Variants in CDH4 observed in about 807,000 individuals in gnomAD.
The protein encoded by CDH4 is cadherin 4.
A neutral mutation model predicts 86.0 loss-of-function variants in CDH4; 33 were observed. The observed-to-expected ratio is 0.38, with a 90% CI of 0.29 to 0.51. The LOEUF (loss-of-function observed/expected upper bound fraction) is 0.51, where lower values mean the gene tolerates loss of function less well. CDH4 is among the 20% of genes least tolerant of loss of function. The probability of loss-of-function intolerance (pLI) is 0.86; values close to 1 mark genes in which losing one functional copy is unlikely to be tolerated. For missense variants in CDH4, 1,114 were observed against 1,307.4 expected, an observed-to-expected ratio of 0.85 and a Z score of 2.28; for synonymous variants, 555 against 549.4, an observed-to-expected ratio of 1.01 and a Z score of -0.14.
intron 3 of CDH4, among the ~76,000 whole-genome samples, chr20:61,770,512 G>A (rs899197195): frequency 3.3e-5 from 5 of 152,270 alleles, no homozygotes; most frequent in South Asian, 2.1e-4. Context: ...TGTGGCAGAC[G>A]CATGGACGCC....
At position 61,810,918 on chromosome 20, in the gene CDH4, G is replaced by A. The variant is rs906457470; in HGVS notation, c.577-33750G>A. 2.0e-5 allele frequency among the ~76,000 whole-genome samples: 3 copies of A among 152,180 alleles called. No homozygotes were observed. The highest frequency in any genetic ancestry group is 7.2e-5 in the African/African-American group (3 of 41,456). On this transcript the variant is annotated intron_variant, in intron 4 of 15. Transcript: ENST00000614565. The surrounding 1 kb of genome is among the most constrained non-coding windows in gnomAD (Gnocchi z 4.3). Reference sequence around the variant, plus strand: ...GCCGCTCCAGGAAGCTTCGAGACGGGGGCTGCAGGAGCCTGCAGAGCCTGC... The same window carrying A: ...GCCGCTCCAGGAAGCTTCGAGACGGAGGCTGCAGGAGCCTGCAGAGCCTGC...
At chr20:61,454,443 G>C (rs1421353322) in intron 2 of CDH4, among the ~76,000 whole-genome samples, 1 of 151,958 alleles carries the variant, frequency 6.6e-6, no homozygotes, top group Non-Finnish European at 1.5e-5. Context: ...GGAGGGAGGG[G>C]CATTTTTTTC....
chr20:61,714,023 T>TTGTGTTATGTTATGTTATGTTATG, intron 2 of CDH4, among the ~76,000 whole-genome samples: 2 of 123,910 alleles, frequency 1.6e-5, no homozygotes, highest in South Asian at 6.1e-4. Flanking sequence ...CTATTCTTTT[T>TTGTGTTATGTTATGTTATGTTATG]TTATTTTATT....
rs115649946 is a variant in CDH4 at position 61,415,373 on chromosome 20, G to A, written c.169+160436G>A. 9.5e-3 allele frequency among the ~76,000 whole-genome samples: 1,452 copies of A among 152,306 alleles called. 21 individuals carry two copies. Among genetic ancestry groups the A allele is most frequent in the African/African-American group, 0.033 (1,362 of 41,566 alleles). On this transcript the variant is annotated intron_variant, in intron 2 of 15. Coordinates refer to ENST00000614565, the MANE Select transcript of CDH4 (RefSeq NM_001794.5). ...AAAACTAATTCTTATTGTGGTGAATGTATTTACAAAATTTAACCATTTTAA... is the reference window on the plus strand; with the variant it reads ...AAAACTAATTCTTATTGTGGTGAATATATTTACAAAATTTAACCATTTTAA...
At chr20:61,620,071 G>T (rs2086757616) in intron 2 of CDH4, among the ~76,000 whole-genome samples, 1 of 148,344 alleles carries the variant, frequency 6.7e-6, no homozygotes, top group African/African-American at 2.5e-5. Context: ...TGTCCTCCCT[G>T]GCTTCCTGAG....
At position 61,504,479 on chromosome 20, in the gene CDH4, G is replaced by A. The variant is rs148907723; in HGVS notation, c.170-239084G>A. 5.3e-5 allele frequency among the ~76,000 whole-genome samples: 8 copies of A among 152,210 alleles called. No homozygotes were observed. The East Asian group carries it at 1.5e-3, about 29-fold the overall frequency. ...TGGGCCTTCTCTTCCTTTAACTCAG[G>A]GGATCTCAACGGGGGGCAGGGGGTG... On this transcript the variant is annotated intron_variant, in intron 2 of 15. Transcript: ENST00000614565.
chr20:61,792,893 C>A (rs990456719), intron 4 of CDH4, among the ~76,000 whole-genome samples: 1 of 152,186 alleles, frequency 6.6e-6, no homozygotes. Flanking sequence ...TTGTGATCCA[C>A]CCGCCTCGGC....
intron 2 of CDH4, among the ~76,000 whole-genome samples, chr20:61,512,833 C>G (rs551212507): frequency 6.6e-6 from 1 of 152,308 alleles, no homozygotes; most frequent in South Asian, 2.1e-4. Context: ...GTGAAAATTC[C>G]TGAAAGAGGA....
chr20:61,423,679 T>C (rs1392287509), intron 2 of CDH4, among the ~76,000 whole-genome samples: 1 of 71,048 alleles, frequency 1.4e-5, no homozygotes, highest in Non-Finnish European at 3.0e-5. Context: ...ACGTTCGTCA[T>C]TTTTTTTTCA....
chr20:61,341,905 CG>C (rs2084651128), intron 2 of CDH4, among the ~76,000 whole-genome samples: 1 of 152,158 alleles, frequency 6.6e-6, no homozygotes, highest in Admixed American at 6.5e-5. Context: ...TAGGGGTTTG[CG>C]TCTCCTTTTC....
chr20:61,934,328 GT>G lies in CDH4; in HGVS notation c.2544+109del, dbSNP rs371289842. The G allele has an allele frequency of 6.9e-3, 8,726 of 1,268,566 alleles. 36 individuals carry two copies. The highest frequency in any genetic ancestry group is 7.8e-3 in the Non-Finnish European group (7,423 of 950,482). The allele number at this position is 1,268,566 out of a possible 1,614,324, so 78.6% of individuals were successfully genotyped here. A position where few individuals can be genotyped will look rare whatever the true frequency, so the allele number is the denominator to read the frequency against. ...TCCACAGTGCCGGCGGCTGCCGTGG[GT>G]GGGAGGCAGCTCAGACCCGGGTTCC... On this transcript the variant is annotated intron_variant, in intron 15 of 15. Coordinates refer to ENST00000614565, the MANE Select transcript of CDH4 (RefSeq NM_001794.5).
chr20:61,354,717 A>T (rs957686199), intron 2 of CDH4, among the ~76,000 whole-genome samples: 7 of 152,204 alleles, frequency 4.6e-5, no homozygotes, highest in Admixed American at 4.6e-4. Context: ...TGCTCGGCCA[A>T]GGTTTAGCCC....
intron 8 of CDH4, among the ~76,000 whole-genome samples, chr20:61,896,128 G>A (rs1294420866): frequency 1.3e-5 from 2 of 152,244 alleles, no homozygotes; most frequent in African/African-American, 2.4e-5. Flanking sequence ...CATCTGTGGA[G>A]GTGCCCCTCG....
In CDH4 at chr20:61,544,431, G is replaced by A. The variant is rs140493356; in HGVS notation, c.170-199132G>A. Among the ~76,000 whole-genome samples, 324 of 152,096 alleles carry A rather than the reference G, an allele frequency of 2.1e-3. 1 individual carries two copies. The highest frequency in any genetic ancestry group is 7.3e-3 in the African/African-American group (305 of 41,502). ...GGGTGGGACTCCTGGTGTTCACTTC[G>A]TAGCTGTTCTGTGGTGGGAGCGCAG... On this transcript the variant is annotated intron_variant, in intron 2 of 15. Transcript: ENST00000614565. The surrounding 1 kb of genome is among the most constrained non-coding windows in gnomAD (Gnocchi z 6.5).
intron 2 of CDH4, among the ~76,000 whole-genome samples, chr20:61,327,482 C>T (rs538342434): frequency 1.3e-5 from 2 of 152,318 alleles, no homozygotes; most frequent in African/African-American, 4.8e-5. Context: ...ACATTTACTA[C>T]ATGCAGAATA....
intron 2 of CDH4, among the ~76,000 whole-genome samples, chr20:61,675,839 T>G (rs191863948): frequency 2.6e-5 from 4 of 152,322 alleles, no homozygotes; most frequent in African/African-American, 7.2e-5. Context: ...GCTGAGGCTT[T>G]GGGCTCAGCC....
At chr20:61,474,908 G>A (rs2085526130) in intron 2 of CDH4, among the ~76,000 whole-genome samples, 2 of 152,124 alleles carry the variant, frequency 1.3e-5, no homozygotes, top group South Asian at 4.1e-4. Flanking sequence ...GCACGCTGCA[G>A]AGTTTGGTTG....
rs578246308 is a variant in CDH4 at position 61,326,125 on chromosome 20, A to G, written c.169+71188A>G. Among the ~76,000 whole-genome samples the G allele has an allele frequency of 5.9e-5, 9 of 152,318 alleles. No homozygotes were observed. The South Asian group carries it at 1.9e-3, about 32-fold the overall frequency. ...GGACAAATAGAGTGGAGGATGGAGT[A>G]AGGTGGCAGGTCCAAGTTTTTCTCA... On this transcript the variant is annotated intron_variant, in intron 2 of 15. Coordinates refer to ENST00000614565, the MANE Select transcript of CDH4 (RefSeq NM_001794.5).
intron 2 of CDH4, among the ~76,000 whole-genome samples, chr20:61,304,237 A>G (rs775374204): frequency 1.3e-4 from 20 of 149,228 alleles, no homozygotes; most frequent in Non-Finnish European, 2.8e-4. Context: ...AGCAGTCAGC[A>G]TTTTGGATTG....
Sources: gnomAD v4.1 joint callset for allele counts (sites outside exome capture counted in the v4.1 genomes callset) on GRCh38, gnomAD v4.1.1 for gene constraint, Gnocchi (gnomAD v3.1) non-coding constraint, MANE v1.5 for transcripts, NCBI Gene and HGNC (gene_info 2026-07-23, HGNC 2026-07-21) for gene names.